LECT2: variants seen among roughly 807,000 people sequenced by gnomAD.
The protein encoded by LECT2 is leukocyte cell-derived chemotaxin-2.
A neutral mutation model predicts 16.6 loss-of-function variants in LECT2; 11 were observed. The observed-to-expected ratio is 0.66, with a 90% CI of 0.42 to 1.09. LECT2 has a LOEUF of 1.09. Ranked by LOEUF, LECT2 falls within the 50% of genes least tolerant of loss-of-function variation. The pLI, the probability that LECT2 is intolerant of heterozygous loss-of-function variation, is 0.00. For missense variants in LECT2, 173 were observed against 184.2 expected (o/e 0.94, Z 0.35); for synonymous variants, 54 against 64.8 (o/e 0.83, Z 0.80).
rs766884380 is a variant in LECT2 at position 135,947,440 on chromosome 5, T to C, written c.347A>G (p.Lys116Arg). 3.7e-6 allele frequency: 6 copies of C among 1,613,966 alleles called. No homozygotes were observed. The highest frequency in any genetic ancestry group is 5.1e-6 in the Non-Finnish European group (6 of 1,179,944). The change falls in exon 4 of 4, where the codon AAG becomes AGG. Residue 116 changes from lysine (K) to arginine (R), a missense_variant. Coordinates refer to ENST00000274507, the MANE Select transcript of LECT2 (RefSeq NM_002302.3). ...CAATAGAGTTCCAAGTTTTTCTCCC[T>C]TCTTAATAGGACCTTTATACTTAAT... is the stretch of plus-strand genomic sequence containing the variant. The part of the protein sequence containing the change: ...KPIKYKGPIK[K>R]GEKLGTLLPL...
At chr5:135,953,068 A>C (rs1763817449) in intron 1 of LECT2, 101 bp from the exon 2 acceptor site, 2 of 743,062 alleles carry the variant, frequency 2.7e-6, no homozygotes, top group Non-Finnish European at 4.7e-6. Context: ...TTCTGTTTTC[A>C]CTGTAGTTTT....
In LECT2 at chr5:135,947,279, C is replaced by G. The variant is rs1163267178; in HGVS notation, c.*52G>C. The G allele has an allele frequency of 6.4e-7, 1 of 1,559,218 alleles. No individual in the cohort carries two copies. The highest frequency in any genetic ancestry group is 1.4e-5 in the African/African-American group (1 of 73,420). ...TTTCTTGAAGAGAAGGGTATGCATC[C>G]AGGTTTTTAAGATGACTTTTTATTT... On this transcript the variant is annotated 3_prime_UTR_variant, in exon 4 of 4. Coordinates refer to ENST00000274507, the MANE Select transcript of LECT2 (RefSeq NM_002302.3).
At chr5:135,948,719 G>A (rs1440347442) in intron 3 of LECT2, among the ~76,000 whole-genome samples, 1 of 149,986 alleles carries the variant, frequency 6.7e-6, no homozygotes, top group African/African-American at 2.5e-5. Flanking sequence ...GTGTCACCCA[G>A]GCTGGAGTGC....
intron 1 of LECT2, among the ~76,000 whole-genome samples, chr5:135,953,348 C>T (rs1763822207): frequency 6.6e-6 from 1 of 151,956 alleles, no homozygotes; most frequent in Admixed American, 6.6e-5. Flanking sequence ...ACTACAGGTG[C>T]GCACCACCAC....
intron 3 of LECT2, among the ~76,000 whole-genome samples, chr5:135,949,322 A>G (rs1485545791): frequency 6.6e-6 from 1 of 152,246 alleles, no homozygotes; most frequent in Admixed American, 6.5e-5. Flanking sequence ...ATAACCAAGA[A>G]TTGCCAAGGC....
At chr5:135,952,733 A>T (rs1350826490) in intron 2 of LECT2, 138 bp downstream of exon 2, 15 of 612,270 alleles carry the variant, frequency 2.4e-5, no homozygotes, top group Non-Finnish European at 4.5e-5. Context: ...CTCCAAAGAC[A>T]GTGATGTAAC....
chr5:135,952,682 C>A (rs1763811894), intron 2 of LECT2, among the ~76,000 whole-genome samples, 189 bp downstream of exon 2: 1 of 152,176 alleles, frequency 6.6e-6, no homozygotes, highest in African/African-American at 2.4e-5. Flanking sequence ...ATTCTGATCC[C>A]AATTTATAGC....
Position 135,952,941 on chromosome 5 carries a change from A to G in LECT2, c.73T>C (p.Cys25Arg). ...ATCTCATTGGAAGACTTGCCAGCAC[A>G]TATATTAGCCCATGGCCCTGCCAGT... The part of the protein sequence containing the change: ...TALAGPWANI[C>R]AGKSSNEIRT... Residue 25 changes from cysteine to arginine, a missense_variant, in exon 2 of 4, where the codon TGT (cysteine) becomes CGT (arginine). By Grantham distance (180) the Cys-to-Arg change is radical (BLOSUM62 -3). Coordinates refer to ENST00000274507, the MANE Select transcript of LECT2 (RefSeq NM_002302.3). The G allele has an allele frequency of 1.9e-6, 3 of 1,614,066 alleles. No homozygotes were observed. The highest frequency in any genetic ancestry group is 2.5e-6 in the Non-Finnish European group (3 of 1,179,872).
In LECT2 at chr5:135,954,830, ACATCT is replaced by A. The variant is rs1407464153; in HGVS notation, c.-2_3del. The A allele has an allele frequency of 1.2e-6, 2 of 1,612,758 alleles. No homozygotes were observed. Among genetic ancestry groups the A allele is most frequent in the South Asian group, 1.1e-5 (1 of 91,022 alleles). On this transcript the variant is annotated start_lost and 5_prime_UTR_variant, in exon 1 of 4. Transcript: ENST00000274507. ...GCCAAAAGGAGGGCTTTGGTGGAAA[ACATCT>A]GGTTTTACTTCCTTTAGTTTCTTCC... is the stretch of plus-strand genomic sequence containing the variant.
chr5:135,953,234 A>G, intron 1 of LECT2: 1 of 341,048 alleles, frequency 2.9e-6, no homozygotes, highest in South Asian at 3.3e-5. Context: ...TCGGAGTCTC[A>G]CTCTGTTGCC....
At chr5:135,954,767 A>G in intron 1 of LECT2, 21 bp downstream of exon 1, 1 of 1,589,574 alleles carries the variant, frequency 6.3e-7, no homozygotes, top group Non-Finnish European at 8.6e-7. Context: ...TCAATATTCT[A>G]AAATTGCACT....
At position 135,947,932 on chromosome 5, in the gene LECT2, T is replaced by A. The variant is rs114917560; in HGVS notation, c.290-435A>T. 6.5e-3 allele frequency among the ~76,000 whole-genome samples: 992 copies of A among 152,254 alleles called. 7 individuals carry two copies. The highest frequency in any genetic ancestry group is 0.011 in the Non-Finnish European group (731 of 68,010). The stretch of plus-strand genomic sequence containing the variant: ...ATATAATAATTATACAATAAAATGG[T>A]GTTGGGTACAAATACAGGAGTCATG... On this transcript the variant is annotated intron_variant, in intron 3 of 3. Transcript: ENST00000274507.
Position 135,952,987 on chromosome 5 carries a change from G to A in LECT2, c.47-20C>T, listed in dbSNP as rs201813789. Reference sequence around the variant, plus strand: ...CCAGTGCTAAAAAGGAGAAAAGTGAGAGCAGAGCTCCTGGCCTCAGACATT... The same window carrying A: ...CCAGTGCTAAAAAGGAGAAAAGTGAAAGCAGAGCTCCTGGCCTCAGACATT... On this transcript the variant is annotated intron_variant, in intron 1 of 3. Coordinates refer to ENST00000274507, the MANE Select transcript of LECT2 (RefSeq NM_002302.3). 28 of 1,542,856 alleles carry A rather than the reference G, an allele frequency of 1.8e-5. No individual in the cohort carries two copies. The South Asian group carries it at 2.7e-4, about 15-fold the overall frequency.
chr5:135,953,528 C>G (rs1215220875), intron 1 of LECT2, among the ~76,000 whole-genome samples: 1 of 152,128 alleles, frequency 6.6e-6, no homozygotes, highest in Non-Finnish European at 1.5e-5. Flanking sequence ...GCATTGGCCT[C>G]CATCATTATA....
In LECT2 at chr5:135,947,156, A is replaced by G. The variant is rs1027796589; in HGVS notation, c.*175T>C. The stretch of plus-strand genomic sequence containing the variant: ...ACATAGGTGTATTTGTTTATGAGGT[A>G]CGTGAGATGTTTTGATACAGGCATG... On this transcript the variant is annotated 3_prime_UTR_variant, in exon 4 of 4. Coordinates refer to ENST00000274507, the MANE Select transcript of LECT2 (RefSeq NM_002302.3). The G allele has an allele frequency of 1.3e-5, 7 of 547,030 alleles. No homozygotes were observed. The highest frequency in any genetic ancestry group is 1.1e-4 in the African/African-American group (6 of 53,486). The allele number at this position is 547,030 out of a possible 1,614,324, so 33.9% of individuals were successfully genotyped here.
chr5:135,947,779 CAT>C (rs573899197), intron 3 of LECT2, among the ~76,000 whole-genome samples: 143 of 152,230 alleles, frequency 9.4e-4, no homozygotes, highest in African/African-American at 3.4e-3. Flanking sequence ...AACTCCAAAA[CAT>C]ATTCTGATAG....
At chr5:135,952,709 G>A (rs1343144272) in intron 2 of LECT2, among the ~76,000 whole-genome samples, 162 bp downstream of exon 2, 1 of 152,208 alleles carries the variant, frequency 6.6e-6, no homozygotes, top group Non-Finnish European at 1.5e-5. Flanking sequence ...TTGAAGCAGA[G>A]TTCTTGGAAG....
intron 2 of LECT2, among the ~76,000 whole-genome samples, chr5:135,951,991 C>T (rs1363950226): frequency 6.6e-6 from 1 of 152,154 alleles, no homozygotes; most frequent in Non-Finnish European, 1.5e-5. Context: ...ACCAGCCTCC[C>T]CTACCTTCTA....
intron 3 of LECT2, among the ~76,000 whole-genome samples, chr5:135,947,775 A>C (rs1049818853): frequency 1.3e-5 from 2 of 152,202 alleles, no homozygotes; most frequent in Non-Finnish European, 2.9e-5. Context: ...TGTCAACTCC[A>C]AAACATATTC....
Sources: allele counts gnomAD v4.1 joint callset (sites outside exome capture counted in the v4.1 genomes callset), GRCh38; gene constraint gnomAD v4.1.1; transcripts MANE v1.5; gene names NCBI Gene and HGNC (gene_info 2026-07-23, HGNC 2026-07-21).